Variants in MCUR1 observed in about 807,000 individuals in gnomAD.
MCUR1 encodes the protein mitochondrial calcium uniporter regulator 1, also known as MCU regulator 1.
Under a neutral mutation model 42.0 loss-of-function variants are expected in MCUR1, and 37 were observed. The observed-to-expected ratio is 0.88, with a 90% CI of 0.68 to 1.16. The LOEUF (loss-of-function observed/expected upper bound fraction) is 1.16. Among genes scored for constraint, MCUR1 ranks in the 50% most tolerant of loss-of-function variants. MCUR1 has a pLI of 0.00. For synonymous variants in MCUR1, 229 were observed against 196.2 expected (o/e 1.17, Z -1.40); for missense variants, 469 against 468.4 (o/e 1.00, Z -0.01).
chr6:13,810,716 G>C (rs1244727789), intron 1 of MCUR1, among the ~76,000 whole-genome samples: 1 of 152,228 alleles, frequency 6.6e-6, no homozygotes, highest in Non-Finnish European at 1.5e-5. Context: ...GGGAAGGGGA[G>C]GGTAGCTGTG....
chr6:13,810,896 T>C (rs1028753375), intron 1 of MCUR1, among the ~76,000 whole-genome samples: 3 of 152,246 alleles, frequency 2.0e-5, no homozygotes, highest in African/African-American at 4.8e-5. Flanking sequence ...CAGGAGGTCC[T>C]TGACCTGGCA....
At chr6:13,813,890 G>A (rs1487541460) in intron 1 of MCUR1, 125 bp downstream of exon 1, 2 of 1,040,594 alleles carry the variant, frequency 1.9e-6, no homozygotes, top group Non-Finnish European at 1.2e-6. Context: ...GCAGATGCCG[G>A]TGGCCTTGGA....
chr6:13,813,091 A>G (rs143887413), intron 1 of MCUR1, among the ~76,000 whole-genome samples: 7 of 152,344 alleles, frequency 4.6e-5, no homozygotes, highest in Non-Finnish European at 8.8e-5. Flanking sequence ...TCAGTACGGT[A>G]ACATGCTGTT....
intron 1 of MCUR1, among the ~76,000 whole-genome samples, chr6:13,813,502 A>C (rs1760284360): frequency 6.6e-6 from 1 of 152,190 alleles, no homozygotes; most frequent in South Asian, 2.1e-4. Flanking sequence ...CAGAGGGAAG[A>C]TTTTGTGGAC....
chr6:13,801,272 A>G lies in MCUR1; in HGVS notation c.741+16T>C, dbSNP rs1759981570. On this transcript the variant is annotated intron_variant, in intron 4 of 8. Transcript: ENST00000379170. The stretch of plus-strand genomic sequence containing the variant: ...TAATATAATCAACTTTCTAAGTGTG[A>G]GAGGCTCTGTTTTACCTCATTTTCT... 2 of 1,517,746 alleles carry G rather than the reference A, an allele frequency of 1.3e-6. No individual in the cohort carries two copies. The highest frequency in any genetic ancestry group is 1.8e-6 in the Non-Finnish European group (2 of 1,095,072). The allele number at this position is 1,517,746 out of a possible 1,614,324, so 94.0% of individuals were successfully genotyped here.
rs780507576 is a variant in MCUR1 at position 13,814,439 on chromosome 6, G to A, written c.-10C>T. On this transcript the variant is annotated 5_prime_UTR_variant, in exon 1 of 9. Coordinates refer to ENST00000379170, the MANE Select transcript of MCUR1 (RefSeq NM_001031713.4). ...CCGAGCCGCAGTCCATCCCCGAGCA[G>A]TTCACTGGCCCGGGCGCGCGCTCAT... The A allele has an allele frequency of 7.9e-6, 12 of 1,513,790 alleles. No individual in the cohort carries two copies. The African/African-American group carries it at 1.3e-4, about 16-fold the overall frequency. The allele number at this position is 1,513,790 out of a possible 1,614,324, so 93.8% of individuals were successfully genotyped here.
At chr6:13,809,826 C>T (rs1241699151) in intron 1 of MCUR1, among the ~76,000 whole-genome samples, 1 of 151,918 alleles carries the variant, frequency 6.6e-6, no homozygotes, top group Non-Finnish European at 1.5e-5. Flanking sequence ...ATGGCTTGAG[C>T]CCAGGAGTTT....
At position 13,798,872 on chromosome 6, in the gene MCUR1, T is replaced by C; in HGVS notation, c.816A>G (p.Lys272=). The C allele has an allele frequency of 6.2e-7, 1 of 1,611,486 alleles. No homozygotes were observed. The highest frequency in any genetic ancestry group is 1.1e-5 in the South Asian group (1 of 90,838). ...TGCTCTTTTCTAGGTTGAAGTCTAATTTGGTATCTGTTCGGACTTTGATCA... is the reference window on the plus strand; with the variant it reads ...TGCTCTTTTCTAGGTTGAAGTCTAACTTGGTATCTGTTCGGACTTTGATCA... ...DEVIKVRTDT[K]LDFNLEKSRV... The change falls in exon 6 of 9, where the codon AAA becomes AAG. Residue 272 remains lysine, a synonymous_variant. Coordinates refer to ENST00000379170, the MANE Select transcript of MCUR1 (RefSeq NM_001031713.4).
intron 4 of MCUR1, among the ~76,000 whole-genome samples, chr6:13,801,023 T>C (rs1486535325): frequency 6.6e-6 from 1 of 152,218 alleles, no homozygotes; most frequent in African/African-American, 2.4e-5. Flanking sequence ...CACAGTATGA[T>C]ACCATCAAAT....
rs1051032657 is a variant in MCUR1, at chr6:13,797,940, T to C, written c.855+893A>G. Reference sequence around the variant, plus strand: ...CGGGAGGCTGAGGCAGGAGAATTGCTTAAACCCAGGAGACGGAGGTTGCAG... The same window carrying C: ...CGGGAGGCTGAGGCAGGAGAATTGCCTAAACCCAGGAGACGGAGGTTGCAG... On this transcript the variant is annotated intron_variant, in intron 6 of 8. Coordinates refer to ENST00000379170, the MANE Select transcript of MCUR1 (RefSeq NM_001031713.4). Among the ~76,000 whole-genome samples, 5 of 151,368 alleles carry C rather than the reference T, an allele frequency of 3.3e-5. No homozygotes were observed. In the South Asian group the frequency reaches 1.1e-3, roughly 32 times the overall value.
At chr6:13,797,282 C>G (rs1275076556) in intron 6 of MCUR1, among the ~76,000 whole-genome samples, 1 of 152,158 alleles carries the variant, frequency 6.6e-6, no homozygotes, top group Non-Finnish European at 1.5e-5. Flanking sequence ...TCTCTCTGCC[C>G]TATTTCTCAT....
At chr6:13,800,487 T>G in intron 4 of MCUR1, 105 bp from the exon 5 acceptor site, 1 of 650,892 alleles carries the variant, frequency 1.5e-6, no homozygotes, top group Non-Finnish European at 2.7e-6. Flanking sequence ...GGTTTTTCCT[T>G]CATTCAGAAC....
At chr6:13,801,267 G>GT in intron 4 of MCUR1, 21 bp downstream of exon 4, 1 of 1,477,350 alleles carries the variant, frequency 6.8e-7, no homozygotes, top group Non-Finnish European at 9.4e-7. Flanking sequence ...AACTTTCTAA[G>GT]TGTGAGAGGC....
At chr6:13,808,574 C>G (rs57418214) in intron 1 of MCUR1, among the ~76,000 whole-genome samples, 14,599 of 151,854 alleles carry the variant, frequency 0.096, 1,417 homozygotes, top group East Asian at 0.25. Context: ...GATAACATAC[C>G]TAAGAAACCA....
intron 2 of MCUR1, among the ~76,000 whole-genome samples, chr6:13,805,788 G>T (rs1052251027): frequency 6.6e-6 from 1 of 152,178 alleles, no homozygotes; most frequent in African/African-American, 2.4e-5. Context: ...TCTGATTTTT[G>T]AGAATGTGTC....
chr6:13,814,534 C>CACA lies in MCUR1; in HGVS notation c.-108_-106dup. The CACA allele has an allele frequency of 7.9e-7, 1 of 1,273,410 alleles. No homozygotes were observed. Among genetic ancestry groups the CACA allele is most frequent in the South Asian group, 2.0e-5 (1 of 49,446 alleles). The allele number at this position is 1,273,410 out of a possible 1,614,324, so 78.9% of individuals were successfully genotyped here. ...TCCGACAGCGGGAGCGAGCGTGGGCCACAGCGCAGGACCGCCCTTTCCTGC... is the reference window on the plus strand; with the variant it reads ...TCCGACAGCGGGAGCGAGCGTGGGCCACAACAGCGCAGGACCGCCCTTTCCTGC... On this transcript the variant is annotated 5_prime_UTR_variant, in exon 1 of 9. Coordinates refer to ENST00000379170, the MANE Select transcript of MCUR1 (RefSeq NM_001031713.4).
chr6:13,806,775 C>T, intron 2 of MCUR1, 150 bp downstream of exon 2: 1 of 967,784 alleles, frequency 1.0e-6, no homozygotes, highest in South Asian at 1.9e-5. Flanking sequence ...GGTGACAGAG[C>T]CAGAGCCTGT....
At chr6:13,796,659 GGAT>G (rs1285061169) in intron 6 of MCUR1, among the ~76,000 whole-genome samples, 2 of 152,076 alleles carry the variant, frequency 1.3e-5, no homozygotes, top group Non-Finnish European at 2.9e-5. Flanking sequence ...TTTGTTTGCT[GGAT>G]GATGTTAATG....
intron 2 of MCUR1, 145 bp from the exon 3 acceptor site, chr6:13,802,491 C>T: frequency 1.7e-6 from 1 of 581,924 alleles, no homozygotes. Context: ...CAGCCACAAA[C>T]TATGACGTGC....
Sources: allele counts gnomAD v4.1 joint callset (sites outside exome capture counted in the v4.1 genomes callset), GRCh38; gene constraint gnomAD v4.1.1; transcripts MANE v1.5; gene names NCBI Gene and HGNC (gene_info 2026-07-23, HGNC 2026-07-21).